The following SMYD3 variants were observed in gnomAD, a reference collection of about 807,000 sequenced individuals.
SMYD3 encodes histone-lysine N-methyltransferase SMYD3.
In SMYD3, 36 loss-of-function variants were observed where a neutral mutation model predicts 57.7. The observed-to-expected ratio is 0.62, with a 90% CI of 0.48 to 0.82. The LOEUF is 0.82. Ranked by LOEUF, SMYD3 falls within the 40% of genes least tolerant of loss-of-function variation. SMYD3 has a pLI of 0.00. For synonymous variants in SMYD3, 211 were observed against 195.0 expected (o/e 1.08, Z -0.68); for missense variants, 515 against 538.8 (o/e 0.96, Z 0.44).
At chr1:246,301,906 C>T (rs949348153) in intron 5 of SMYD3, among the ~76,000 whole-genome samples, 1 of 152,126 alleles carries the variant, frequency 6.6e-6, no homozygotes, top group Non-Finnish European at 1.5e-5. Context: ...AGCAAGGAAG[C>T]TGCACTATTT....
intron 5 of SMYD3, among the ~76,000 whole-genome samples, chr1:245,950,694 T>A (rs1241465219): frequency 6.6e-6 from 1 of 152,258 alleles, no homozygotes; most frequent in Non-Finnish European, 1.5e-5. Context: ...AAAGTTACAC[T>A]GCTTATGCCA....
At chr1:245,987,045 C>T (rs976205288) in intron 5 of SMYD3, among the ~76,000 whole-genome samples, 3 of 152,156 alleles carry the variant, frequency 2.0e-5, no homozygotes, top group Non-Finnish European at 2.9e-5. Flanking sequence ...AATAGGAAAA[C>T]GCTGACAGAT....
chr1:245,888,959 C>T (rs1285949062), intron 8 of SMYD3, among the ~76,000 whole-genome samples: 1 of 152,198 alleles, frequency 6.6e-6, no homozygotes, highest in Non-Finnish European at 1.5e-5. Flanking sequence ...CTTACCAATG[C>T]CACCAATTCC....
chr1:246,238,694 T>A (rs890156846), intron 5 of SMYD3, among the ~76,000 whole-genome samples: 2 of 152,190 alleles, frequency 1.3e-5, no homozygotes, highest in Admixed American at 6.5e-5. Context: ...CATCTCAGAT[T>A]ATCTTCTTTC....
chr1:246,490,457 T>A (rs7552515), intron 1 of SMYD3, among the ~76,000 whole-genome samples: 149,011 of 152,332 alleles, frequency 0.98, 72,923 homozygotes, highest in Non-Finnish European at 0.99. Flanking sequence ...GTCTTGGGAT[T>A]CACAGAAAAA....
chr1:245,801,578 A>ACT (rs1460344264), intron 10 of SMYD3, among the ~76,000 whole-genome samples: 1 of 152,032 alleles, frequency 6.6e-6, no homozygotes, highest in Non-Finnish European at 1.5e-5. Flanking sequence ...AATCCAGCAG[A>ACT]CTCTCCATTT....
intron 10 of SMYD3, among the ~76,000 whole-genome samples, chr1:245,850,736 T>G (rs2050926637): frequency 6.6e-6 from 1 of 152,090 alleles, no homozygotes; most frequent in Non-Finnish European, 1.5e-5. Context: ...GAGGCTACCC[T>G]AAAATAGCTG....
rs548780916 is a variant in SMYD3, at chr1:246,153,269, C to T, written c.531+173932G>A. Reference sequence around the variant, plus strand: ...TCTCCCCACTTTTGAGAGGAACAGTCCTCCTACACAGACCATCCATTCTCC... The same window carrying T: ...TCTCCCCACTTTTGAGAGGAACAGTTCTCCTACACAGACCATCCATTCTCC... On this transcript the variant is annotated intron_variant, in intron 5 of 11. Transcript: ENST00000490107. Among the ~76,000 whole-genome samples, 57 of 152,174 alleles carry T rather than the reference C, an allele frequency of 3.7e-4. 1 individual carries two copies. The highest frequency in any genetic ancestry group is 1.3e-3 in the African/African-American group (53 of 41,500).
At position 246,417,003 on chromosome 1, in the gene SMYD3, C is replaced by A. The variant is rs543923532; in HGVS notation, c.165-61909G>T. 5.9e-5 allele frequency among the ~76,000 whole-genome samples: 9 copies of A among 152,284 alleles called. No homozygotes were observed. In the South Asian group the frequency reaches 1.9e-3, roughly 32 times the overall value. Reference sequence around the variant, plus strand: ...AGACCAGACAGACTGTTCGTCTGTTCTTCAGAGGGCAGCTTTGAGACATTA... The same window carrying A: ...AGACCAGACAGACTGTTCGTCTGTTATTCAGAGGGCAGCTTTGAGACATTA... On this transcript the variant is annotated intron_variant, in intron 1 of 11. Coordinates refer to ENST00000490107, the MANE Select transcript of SMYD3 (RefSeq NM_001167740.2).
intron 8 of SMYD3, among the ~76,000 whole-genome samples, chr1:245,869,130 C>A (rs1025535161): frequency 1.1e-4 from 17 of 151,972 alleles, no homozygotes; most frequent in African/African-American, 4.1e-4. Context: ...ACTTTTACCA[C>A]ATAAAAGGAG....
At chr1:245,820,121 AT>A (rs1331095379) in intron 10 of SMYD3, among the ~76,000 whole-genome samples, 1 of 149,768 alleles carries the variant, frequency 6.7e-6, no homozygotes, top group Non-Finnish European at 1.5e-5. Context: ...AATATCCTTG[AT>A]GAACATTGAT....
intron 5 of SMYD3, chr1:246,305,992 T>C (rs545233682): frequency 6.6e-6 from 1 of 152,278 alleles, no homozygotes; most frequent in Non-Finnish European, 1.5e-5. Context: ...TTTGCTGAAC[T>C]CTCTTGGTGG....
intron 1 of SMYD3, among the ~76,000 whole-genome samples, chr1:246,380,274 C>A (rs1270591969): frequency 6.6e-6 from 1 of 152,148 alleles, no homozygotes; most frequent in Non-Finnish European, 1.5e-5. Flanking sequence ...TAACTCTTTT[C>A]AGGTAAACTA....
At chr1:246,389,937 T>C (rs1027867929) in intron 1 of SMYD3, among the ~76,000 whole-genome samples, 1 of 152,144 alleles carries the variant, frequency 6.6e-6, no homozygotes, top group Non-Finnish European at 1.5e-5. Flanking sequence ...GTGAAAACTT[T>C]GACAAACTTG....
At chr1:246,230,459 G>A (rs2063393382) in intron 5 of SMYD3, among the ~76,000 whole-genome samples, 1 of 152,210 alleles carries the variant, frequency 6.6e-6, no homozygotes, top group Non-Finnish European at 1.5e-5. Flanking sequence ...AGAACCAGGA[G>A]TTAGGCTAGA....
intron 1 of SMYD3, among the ~76,000 whole-genome samples, chr1:246,425,160 T>A: frequency 6.6e-6 from 1 of 152,098 alleles, no homozygotes; most frequent in East Asian, 1.9e-4. Context: ...CTTTCCAAAG[T>A]GCCAGTCCAG....
intron 5 of SMYD3, among the ~76,000 whole-genome samples, chr1:245,942,378 A>G (rs1312509051): frequency 2.0e-5 from 3 of 152,248 alleles, no homozygotes; most frequent in Non-Finnish European, 4.4e-5. Flanking sequence ...CAAAAAAGAC[A>G]AAGAAGGGCA....
Position 246,248,631 on chromosome 1 carries a change from C to CTTGTTTTTTTTT in SMYD3, c.531+78569_531+78570insAAAAAAAAACAA, listed in dbSNP as rs1309872022. ...GGCCAGTTATGCAAAAGCTCTCTGA[C>CTTGTTTTTTTTT]TTTCCTTTTTTTTTTTTTTTTTTTT... On this transcript the variant is annotated intron_variant, in intron 5 of 11. Coordinates refer to ENST00000490107, the MANE Select transcript of SMYD3 (RefSeq NM_001167740.2). 3.5e-3 allele frequency among the ~76,000 whole-genome samples: 415 copies of CTTGTTTTTTTTT among 119,172 alleles called. 41 individuals are homozygous for CTTGTTTTTTTTT. The highest frequency in any genetic ancestry group is 8.1e-3 in the African/African-American group (237 of 29,270). 78.2% of individuals were successfully genotyped at this position (119,172 alleles called of 152,430 possible). A position where few individuals can be genotyped will look rare whatever the true frequency, so the allele number is the denominator to read the frequency against.
intron 5 of SMYD3, among the ~76,000 whole-genome samples, chr1:246,248,610 A>G (rs2063745763): frequency 6.9e-6 from 1 of 145,074 alleles, no homozygotes; most frequent in African/African-American, 2.5e-5. Flanking sequence ...CCTCTGGGCC[A>G]GTTATGCAAA....
Sources: gnomAD v4.1 joint callset for allele counts (sites outside exome capture counted in the v4.1 genomes callset) on GRCh38, gnomAD v4.1.1 for gene constraint, MANE v1.5 for transcripts, NCBI Gene and HGNC (gene_info 2026-07-23, HGNC 2026-07-21) for gene names.